The following CMTM4 variants were observed in gnomAD, a reference collection of about 807,000 sequenced individuals.
The protein encoded by CMTM4 is CKLF-like MARVEL transmembrane domain-containing protein 4.
In CMTM4, 8 loss-of-function variants were observed where a neutral mutation model predicts 19.0. The ratio of observed to expected loss-of-function variants is 0.42; its 90% CI spans 0.25 to 0.76. The LOEUF is 0.76. Ranked by LOEUF, CMTM4 falls within the 30% of genes least tolerant of loss-of-function variation. CMTM4 has a pLI of 0.27. For synonymous variants in CMTM4, 106 were observed against 121.1 expected, an observed-to-expected ratio of 0.88 and a Z score of 0.82; for missense variants, 228 against 290.2, an observed-to-expected ratio of 0.79 and a Z score of 1.56.
In CMTM4 at chr16:66,617,924, G is replaced by C; in HGVS notation, c.*4134C>G. ...GCTTTCAAAGACAAGAGGACAGGAAGGCAGTTAACAAAGTACACGTTTCCA... is the reference window on the plus strand; with the variant it reads ...GCTTTCAAAGACAAGAGGACAGGAACGCAGTTAACAAAGTACACGTTTCCA... On this transcript the variant is annotated 3_prime_UTR_variant, in exon 4 of 4. Transcript: ENST00000394106. 1 of 987,544 alleles carries C rather than the reference G, an allele frequency of 1.0e-6. No individual in the cohort carries two copies. The highest frequency in any genetic ancestry group is 1.2e-6 in the Non-Finnish European group (1 of 831,412). 61.2% of individuals were successfully genotyped at this position (987,544 alleles called of 1,614,324 possible). A position where few individuals can be genotyped will look rare whatever the true frequency, so the allele number is the denominator to read the frequency against.
rs530648921 is a variant in CMTM4, at chr16:66,623,903, T to C, written c.364-401A>G. 5.3e-5 allele frequency among the ~76,000 whole-genome samples: 8 copies of C among 152,288 alleles called. No homozygotes were observed. The South Asian group carries it at 1.7e-3, about 32-fold the overall frequency. ...CCCTCCAGCATTCCCTGCACTCACA[T>C]GTGACATTCAAAACAAACTTTCACA... On this transcript the variant is annotated intron_variant, in intron 2 of 3. Coordinates refer to ENST00000394106, the MANE Select transcript of CMTM4 (RefSeq NM_181521.3).
At chr16:66,677,354 C>T (rs970815143) in intron 1 of CMTM4, among the ~76,000 whole-genome samples, 6 of 152,246 alleles carry the variant, frequency 3.9e-5, no homozygotes, top group Admixed American at 3.3e-4. Flanking sequence ...CTCACCCTGG[C>T]CCACTGACTT....
chr16:66,689,946 T>C (rs536120015), intron 1 of CMTM4, among the ~76,000 whole-genome samples: 2 of 152,200 alleles, frequency 1.3e-5, no homozygotes, highest in African/African-American at 4.8e-5. Context: ...GTAAAACACA[T>C]GTACGCTCTA....
In CMTM4 at chr16:66,620,835, T is replaced by A. The variant is rs1341805086; in HGVS notation, c.*1223A>T. On this transcript the variant is annotated 3_prime_UTR_variant, in exon 4 of 4. Transcript: ENST00000394106. ...AAAGATATAATTACTCTCTAATTTT[T>A]TAAAAAAACTACTGCATCATGGGGA... is the stretch of plus-strand genomic sequence containing the variant. 9.1e-6 allele frequency: 9 copies of A among 985,396 alleles called. No homozygotes were observed. The highest frequency in any genetic ancestry group is 1.1e-5 in the Non-Finnish European group (9 of 829,786). The allele number at this position is 985,396 out of a possible 1,614,324, so 61.0% of individuals were successfully genotyped here. A position where few individuals can be genotyped will look rare whatever the true frequency, so the allele number is the denominator to read the frequency against.
chr16:66,638,579 C>G (rs1317058128), intron 1 of CMTM4, among the ~76,000 whole-genome samples: 1 of 152,188 alleles, frequency 6.6e-6, no homozygotes, highest in Non-Finnish European at 1.5e-5. Context: ...AGATTTTAGG[C>G]TGGGTGTGGT....
In CMTM4 at chr16:66,617,127, G is replaced by A; in HGVS notation, c.*4931C>T. On this transcript the variant is annotated 3_prime_UTR_variant, in exon 4 of 4. Coordinates refer to ENST00000394106, the MANE Select transcript of CMTM4 (RefSeq NM_181521.3). ...AAGCCAAAGGCTCCCTGGCCTTTGT[G>A]TATTATGCATCCCAAAGAAAACACG... is the stretch of plus-strand genomic sequence containing the variant. 1.4e-6 allele frequency: 1 copy of A among 706,400 alleles called. No individual in the cohort carries two copies. Among genetic ancestry groups the A allele is most frequent in the Non-Finnish European group, 2.3e-6 (1 of 434,778 alleles). 43.8% of individuals were successfully genotyped at this position (706,400 alleles called of 1,614,324 possible).
chr16:66,679,563 C>T (rs942832983), intron 1 of CMTM4, among the ~76,000 whole-genome samples: 1 of 152,128 alleles, frequency 6.6e-6, no homozygotes, highest in East Asian at 1.9e-4. Context: ...GTGGCTCATG[C>T]CTGTAATCCC....
intron 1 of CMTM4, among the ~76,000 whole-genome samples, chr16:66,657,635 A>G (rs1170379057): frequency 6.6e-6 from 1 of 152,238 alleles, no homozygotes; most frequent in Non-Finnish European, 1.5e-5. Flanking sequence ...ATATTGTTTT[A>G]TACTACTCTT....
At chr16:66,680,658 C>T (rs979926859) in intron 1 of CMTM4, among the ~76,000 whole-genome samples, 1 of 150,572 alleles carries the variant, frequency 6.6e-6, no homozygotes, top group African/African-American at 2.4e-5. Context: ...CCTGTAGTCC[C>T]AGCTGCTCGG....
At chr16:66,692,768 G>T (rs945700663) in intron 1 of CMTM4, among the ~76,000 whole-genome samples, 1 of 152,000 alleles carries the variant, frequency 6.6e-6, no homozygotes. Flanking sequence ...TTAGCCGGGC[G>T]TGCTAGTGGG....
At position 66,620,586 on chromosome 16, in the gene CMTM4, GC is replaced by G; in HGVS notation, c.*1471del. 1 of 984,834 alleles carries G rather than the reference GC, an allele frequency of 1.0e-6. No homozygotes were observed. The highest frequency in any genetic ancestry group is 1.2e-6 in the Non-Finnish European group (1 of 829,484). The allele number at this position is 984,834 out of a possible 1,614,324, so 61.0% of individuals were successfully genotyped here. A position where few individuals can be genotyped will look rare whatever the true frequency, so the allele number is the denominator to read the frequency against. On this transcript the variant is annotated 3_prime_UTR_variant, in exon 4 of 4. Transcript: ENST00000394106. ...CGCTTTCTTGCACAGACCCCCCGCC[GC>G]CCCCTCGGAGTTATTTATTACACAG...
At chr16:66,681,772 T>C (rs2016920026) in intron 1 of CMTM4, among the ~76,000 whole-genome samples, 1 of 152,008 alleles carries the variant, frequency 6.6e-6, no homozygotes, top group South Asian at 2.1e-4. Context: ...CCAGCCTGGG[T>C]CCCCCTCATC....
intron 1 of CMTM4, among the ~76,000 whole-genome samples, chr16:66,676,090 T>C (rs2016805092): frequency 6.6e-6 from 1 of 152,168 alleles, no homozygotes; most frequent in Non-Finnish European, 1.5e-5. Context: ...AATTATCCTG[T>C]TCTCACTTTA....
At chr16:66,609,602 G>T in the CMTM4 span, 1 of 1,524,060 alleles carries the variant, frequency 6.6e-7, no homozygotes, top group Non-Finnish European at 8.9e-7. The surrounding 1 kb of genome is among the most constrained non-coding windows in gnomAD (Gnocchi z 4.4). Flanking sequence ...GGGACCTGGG[G>T]CAGAGCCTTT....
rs559516363 is a variant in CMTM4 at position 66,623,000 on chromosome 16, T to C, written c.462+404A>G. ...GCCGTGGCATTTCCACCTTGAAATG[T>C]CATGTGACTGCTAAATGGTGTCATG... On this transcript the variant is annotated intron_variant, in intron 3 of 3. Coordinates refer to ENST00000394106, the MANE Select transcript of CMTM4 (RefSeq NM_181521.3). The surrounding 1 kb of genome is among the most constrained non-coding windows in gnomAD (Gnocchi z 4.0). Among the ~76,000 whole-genome samples the C allele has an allele frequency of 1.1e-4, 16 of 152,296 alleles. No homozygotes were observed. The highest frequency in any genetic ancestry group is 3.6e-4 in the African/African-American group (15 of 41,564).
At chr16:66,654,831 G>C (rs2144847516) in intron 1 of CMTM4, among the ~76,000 whole-genome samples, 1 of 152,272 alleles carries the variant, frequency 6.6e-6, no homozygotes, top group South Asian at 2.1e-4. Flanking sequence ...AAAATACTTT[G>C]CACCATGCCC....
intron 1 of CMTM4, among the ~76,000 whole-genome samples, chr16:66,650,755 G>A (rs1295576366): frequency 6.6e-6 from 1 of 152,156 alleles, no homozygotes; most frequent in Non-Finnish European, 1.5e-5. Flanking sequence ...AACTAGTTTG[G>A]GAAACACAAA....
At chr16:66,604,742 G>A in the CMTM4 span, 2 of 1,183,364 alleles carry the variant, frequency 1.7e-6, no homozygotes, top group Non-Finnish European at 2.1e-6. Flanking sequence ...CCGGGTTTCC[G>A]CTTCCCTCCG....
intron 1 of CMTM4, among the ~76,000 whole-genome samples, chr16:66,639,468 G>A (rs1402381271): frequency 1.3e-5 from 2 of 151,548 alleles, no homozygotes; most frequent in Non-Finnish European, 2.9e-5. Flanking sequence ...TAAAGGAGTT[G>A]TTTTTTTTTA....
Sources: gnomAD v4.1 joint callset for allele counts (sites outside exome capture counted in the v4.1 genomes callset) on GRCh38, gnomAD v4.1.1 for gene constraint, Gnocchi (gnomAD v3.1) non-coding constraint, MANE v1.5 for transcripts, NCBI Gene and HGNC (gene_info 2026-07-23, HGNC 2026-07-21) for gene names.